The following FHIT variants were observed in gnomAD, a reference collection of about 807,000 sequenced individuals.
The protein encoded by FHIT is bis(5'-adenosyl)-triphosphatase.
Under a neutral mutation model 17.9 loss-of-function variants are expected in FHIT, and 19 were observed. The observed-to-expected ratio is 1.06, with a 90% CI of 0.74 to 1.56. The LOEUF (loss-of-function observed/expected upper bound fraction) is 1.56. Ranked by LOEUF, FHIT falls within the 40% of genes most tolerant of loss-of-function variation. The pLI is 0.00. For synonymous variants in FHIT, 81 were observed against 69.7 expected (o/e 1.16, Z -0.81); for missense variants, 248 against 189.2 (o/e 1.31, Z -1.82).
intron 2 of FHIT, among the ~76,000 whole-genome samples, chr3:61,179,695 A>G (rs2107164482): frequency 7.1e-6 from 1 of 140,112 alleles, no homozygotes; most frequent in Non-Finnish European, 1.5e-5. Flanking sequence ...GTGACAGAGC[A>G]AGACCCTATC....
chr3:60,323,817 G>A (rs140955049), intron 5 of FHIT, among the ~76,000 whole-genome samples: 83 of 152,252 alleles, frequency 5.5e-4, no homozygotes, highest in African/African-American at 1.9e-3. Flanking sequence ...AACTGTAGCC[G>A]GAAGGGATCC....
At chr3:61,002,501 A>G (rs1187984340) in intron 3 of FHIT, among the ~76,000 whole-genome samples, 2 of 151,894 alleles carry the variant, frequency 1.3e-5, no homozygotes, top group Non-Finnish European at 1.5e-5. Flanking sequence ...GGCTCAAGTG[A>G]TCCTCCCACC....
chr3:60,691,244 T>C (rs1207191369), intron 4 of FHIT, among the ~76,000 whole-genome samples: 2 of 152,240 alleles, frequency 1.3e-5, no homozygotes, highest in Non-Finnish European at 1.5e-5. Flanking sequence ...ACTTTGGTTC[T>C]GGGTGTTCAA....
At chr3:60,926,303 G>T (rs1228900317) in intron 3 of FHIT, among the ~76,000 whole-genome samples, 2 of 152,122 alleles carry the variant, frequency 1.3e-5, no homozygotes, top group African/African-American at 4.8e-5. Flanking sequence ...TACATAGTTG[G>T]AAGTAAAGCA....
chr3:60,947,749 C>T (rs537432865), intron 3 of FHIT, among the ~76,000 whole-genome samples: 1 of 152,304 alleles, frequency 6.6e-6, no homozygotes, highest in African/African-American at 2.4e-5. Context: ...ACCCACCAAC[C>T]TAGTGAACAA....
chr3:60,682,647 G>A (rs2040777157), intron 4 of FHIT, among the ~76,000 whole-genome samples: 1 of 152,140 alleles, frequency 6.6e-6, no homozygotes, highest in Admixed American at 6.5e-5. Flanking sequence ...AATGTACCTG[G>A]TCACCCAAGA....
intron 5 of FHIT, among the ~76,000 whole-genome samples, chr3:60,473,247 T>C (rs1478998539): frequency 6.6e-6 from 1 of 152,208 alleles, no homozygotes; most frequent in African/African-American, 2.4e-5. Context: ...AGCTGGCTTC[T>C]TCGATAAAAT....
At chr3:59,785,122 A>T (rs770365290) in intron 8 of FHIT, among the ~76,000 whole-genome samples, 40 of 152,230 alleles carry the variant, frequency 2.6e-4, no homozygotes, top group Non-Finnish European at 5.6e-4. Flanking sequence ...GGATGGCATC[A>T]AGGGGATTCA....
chr3:60,022,831 G>A lies in FHIT; in HGVS notation c.104-8679C>T, dbSNP rs191949366. Among the ~76,000 whole-genome samples the A allele has an allele frequency of 1.7e-3, 261 of 152,220 alleles. 3 individuals are homozygous for A. Among genetic ancestry groups the A allele is most frequent in the Middle Eastern group, 0.01 (3 of 294 alleles). ...GACGGCAATAAAAATGTTTTTTCAA[G>A]AATTCTCTCTCCCCCATTCTTAATG... On this transcript the variant is annotated intron_variant, in intron 5 of 9. Coordinates refer to ENST00000492590, the MANE Select transcript of FHIT (RefSeq NM_002012.4).
chr3:60,129,111 G>A (rs1036097151), intron 5 of FHIT, among the ~76,000 whole-genome samples: 10 of 137,540 alleles, frequency 7.3e-5, no homozygotes, highest in Admixed American at 1.6e-4. Context: ...GGAGTGCAGT[G>A]GCGCAATCTT....
intron 5 of FHIT, among the ~76,000 whole-genome samples, chr3:60,038,765 T>C (rs1357449834): frequency 1.3e-5 from 2 of 152,158 alleles, no homozygotes; most frequent in East Asian, 3.8e-4. Context: ...AAAATTAACA[T>C]TCATTAAGAA....
intron 2 of FHIT, among the ~76,000 whole-genome samples, chr3:61,056,484 G>C (rs142194364): frequency 2.0e-5 from 3 of 152,308 alleles, no homozygotes; most frequent in Admixed American, 6.5e-5. Flanking sequence ...GTTATAATGA[G>C]TGCTCTGAAA....
At chr3:59,755,139 C>A (rs1449061864) in intron 8 of FHIT, among the ~76,000 whole-genome samples, 1 of 152,182 alleles carries the variant, frequency 6.6e-6, no homozygotes, top group African/African-American at 2.4e-5. Flanking sequence ...TGCTTGTGAT[C>A]CTATCAACAG....
chr3:60,437,064 C>T (rs556497433), intron 5 of FHIT, among the ~76,000 whole-genome samples: 24 of 152,186 alleles, frequency 1.6e-4, no homozygotes, highest in African/African-American at 5.5e-4. Context: ...CAATCTCTTC[C>T]CCCTGTTCAC....
chr3:59,820,282 C>T (rs1317237984), intron 8 of FHIT, among the ~76,000 whole-genome samples: 1 of 152,188 alleles, frequency 6.6e-6, no homozygotes, highest in Non-Finnish European at 1.5e-5. Flanking sequence ...AGGTAATCTT[C>T]GGCAAATGAT....
chr3:60,385,296 A>G (rs9814637), intron 5 of FHIT, among the ~76,000 whole-genome samples: 45,064 of 152,080 alleles, frequency 0.3, 6,823 homozygotes, highest in East Asian at 0.47. Flanking sequence ...TCAAGTACTC[A>G]ATAACTTTTA....
chr3:60,691,619 G>T (rs1577074203), intron 4 of FHIT, among the ~76,000 whole-genome samples: 1 of 152,230 alleles, frequency 6.6e-6, no homozygotes, highest in Admixed American at 6.5e-5. Context: ...TGCCTGCATT[G>T]TCTCCCAAAG....
At chr3:60,951,601 C>A (rs1708887903) in intron 3 of FHIT, among the ~76,000 whole-genome samples, 1 of 152,228 alleles carries the variant, frequency 6.6e-6, no homozygotes, top group Admixed American at 6.5e-5. Context: ...ATCACCCTAT[C>A]ATATGCTTAA....
At chr3:61,051,335 C>CCT (rs1559942404) in intron 2 of FHIT, among the ~76,000 whole-genome samples, 2 of 152,080 alleles carry the variant, frequency 1.3e-5, no homozygotes, top group African/African-American at 4.8e-5. Context: ...CAGTGGCAGG[C>CCT]ACTCCCCAGG....
Sources: allele counts gnomAD v4.1 joint callset (sites outside exome capture counted in the v4.1 genomes callset), GRCh38; gene constraint gnomAD v4.1.1; transcripts MANE v1.5; gene names NCBI Gene and HGNC (gene_info 2026-07-23, HGNC 2026-07-21).